DNAJB5: variants seen among roughly 807,000 people sequenced by gnomAD.
The protein encoded by DNAJB5 is DnaJ heat shock protein family (Hsp40) member B5, also known as dnaJ homolog subfamily B member 5.
A neutral mutation model predicts 32.6 loss-of-function variants in DNAJB5; 12 were observed. The observed-to-expected ratio is 0.37, with a 90% confidence interval of 0.24 to 0.60. The LOEUF (loss-of-function observed/expected upper bound fraction) is 0.60. Among genes scored for constraint, DNAJB5 ranks in the 20% least tolerant of loss-of-function variants. The pLI is 0.71. For synonymous variants in DNAJB5, 188 were observed against 212.9 expected (o/e 0.88, Z 1.02); for missense variants, 358 against 554.2 (o/e 0.65, Z 3.55).
Position 34,990,243 on chromosome 9 carries a change from G to A in DNAJB5, c.-132-256G>A, listed in dbSNP as rs1827585193. 1 of 1,321,634 alleles carries A rather than the reference G, an allele frequency of 7.6e-7. No homozygotes were observed. The highest frequency in any genetic ancestry group is 9.8e-7 in the Non-Finnish European group (1 of 1,017,080). 81.9% of individuals were successfully genotyped at this position (1,321,634 alleles called of 1,614,324 possible). ...TCTGCGAGGGAGGAGACTCCCGTCA[G>A]TGACTTCATTGAGTAGGTTCTTGGG... On this transcript the variant is annotated intron_variant, in intron 1 of 4. Coordinates refer to ENST00000682809, the MANE Select transcript of DNAJB5 (RefSeq NM_001349723.3). This position sits in a 1 kb window ranked among gnomAD's most constrained non-coding sequence, Gnocchi z 4.5.
chr9:34,994,532 C>T (rs896269294), intron 3 of DNAJB5, among the ~76,000 whole-genome samples: 1 of 152,178 alleles, frequency 6.6e-6, no homozygotes, highest in Non-Finnish European at 1.5e-5. Context: ...AGACATTTTT[C>T]TCTCTGGCAT....
chr9:34,990,091 GCATCTGTGAGCAGA>G lies in DNAJB5; in HGVS notation c.-133+262_-133+275del, dbSNP rs1827579466. The G allele has an allele frequency of 1.4e-6, 1 of 719,898 alleles. No individual in the cohort carries two copies. Among genetic ancestry groups the G allele is most frequent in the African/African-American group, 1.8e-5 (1 of 55,616 alleles). 44.6% of individuals were successfully genotyped at this position (719,898 alleles called of 1,614,324 possible). ...CCAGATTGGGTTCTGTGGGGCGGAG[GCATCTGTGAGCAGA>G]CCAGCCAGCCAGCGCGGGTGACATC... is the stretch of plus-strand genomic sequence containing the variant. On this transcript the variant is annotated intron_variant, in intron 1 of 4. Transcript: ENST00000682809. The surrounding 1 kb of genome is among the most constrained non-coding windows in gnomAD (Gnocchi z 4.5).
intron 3 of DNAJB5, among the ~76,000 whole-genome samples, chr9:34,995,434 G>A (rs980207150): frequency 6.6e-6 from 1 of 152,148 alleles, no homozygotes; most frequent in Non-Finnish European, 1.5e-5. Context: ...ACCTGACAGA[G>A]AGAGCAGCTA....
At chr9:34,991,420 G>A (rs776480987) in intron 2 of DNAJB5, 9 of 455,958 alleles carry the variant, frequency 2.0e-5, no homozygotes, top group African/African-American at 1.8e-4. Flanking sequence ...CTAGCAGGTG[G>A]GTACCAGGGA....
At position 34,993,082 on chromosome 9, in the gene DNAJB5, A is replaced by G; in HGVS notation, c.183-118A>G. 6.9e-7 allele frequency: 1 copy of G among 1,453,184 alleles called. No homozygotes were observed. Among genetic ancestry groups the G allele is most frequent in the Non-Finnish European group, 9.0e-7 (1 of 1,107,318 alleles). 90.0% of individuals were successfully genotyped at this position (1,453,184 alleles called of 1,614,324 possible). On this transcript the variant is annotated intron_variant, in intron 2 of 4. Transcript: ENST00000682809. This position sits in a 1 kb window ranked among gnomAD's most constrained non-coding sequence, Gnocchi z 4.7. Reference sequence around the variant, plus strand: ...TACAGATGGGGGGACGCAGGCCCACAGAACAGGCATGACCTGCTGAAGGTT... The same window carrying G: ...TACAGATGGGGGGACGCAGGCCCACGGAACAGGCATGACCTGCTGAAGGTT...
intron 2 of DNAJB5, chr9:34,992,937 C>A: frequency 1.5e-6 from 2 of 1,323,814 alleles, no homozygotes; most frequent in Non-Finnish European, 1.9e-6. Flanking sequence ...CTCAGCCTAG[C>A]CCCAAGAGTG....
rs1051508286 is a variant in DNAJB5, at chr9:34,990,641, G to A, written c.11G>A (p.Arg4His). Residue 4 changes from arginine to histidine, a missense_variant, in exon 2 of 5, where the codon CGC becomes CAC. Coordinates refer to ENST00000682809, the MANE Select transcript of DNAJB5 (RefSeq NM_001349723.3). This position sits in a 1 kb window ranked among gnomAD's most constrained non-coding sequence, Gnocchi z 4.5. ...GGGGCTTGGCTGGGCATGTTTAAGC[G>A]CACAGTGCTCTCCTGCCCACCCCCA... is the stretch of plus-strand genomic sequence containing the variant. The part of the protein sequence containing the change: MFK[R>H]TVLSCPPPAA... 5 of 1,551,438 alleles carry A rather than the reference G, an allele frequency of 3.2e-6. No individual in the cohort carries two copies. The highest frequency in any genetic ancestry group is 4.4e-6 in the Non-Finnish European group (5 of 1,146,956).
At chr9:34,995,114 G>T (rs937968363) in intron 3 of DNAJB5, among the ~76,000 whole-genome samples, 5 of 152,126 alleles carry the variant, frequency 3.3e-5, no homozygotes, top group African/African-American at 1.2e-4. Context: ...GGTCTTGGGG[G>T]AGGGGTGAAG....
rs768445172 is a variant in DNAJB5, at chr9:34,996,281, TGGCA to T, written c.445_448del (p.Gly149HisfsTer72). 4.3e-6 allele frequency: 7 copies of T among 1,613,292 alleles called. No individual in the cohort carries two copies. The highest frequency in any genetic ancestry group is 5.9e-6 in the Non-Finnish European group (7 of 1,179,664). On this transcript the variant is annotated frameshift_variant, in exon 4 of 5. Transcript: ENST00000682809. LOFTEE classifies it high-confidence loss of function. This position sits in a 1 kb window ranked among gnomAD's most constrained non-coding sequence, Gnocchi z 7.2. The stretch of plus-strand genomic sequence containing the variant: ...CCCCTCTAGGCCTGAAGACCGGCGG[TGGCA>T]CATCAGGTGGCTCCAGTGGCTCCTT...
chr9:34,991,925 G>C (rs948569155), intron 2 of DNAJB5: 1 of 161,114 alleles, frequency 6.2e-6, no homozygotes. Context: ...CCCTTACCCG[G>C]TTACAGGCCT....
chr9:34,990,812 G>A lies in DNAJB5; in HGVS notation c.182G>A (p.Arg61Gln), dbSNP rs1453915603. The A allele has an allele frequency of 6.5e-7, 1 of 1,549,508 alleles. No individual in the cohort carries two copies. The highest frequency in any genetic ancestry group is 8.7e-7 in the Non-Finnish European group (1 of 1,146,064). Residue 61 changes from arginine to glutamine, a missense_variant and splice_region_variant, in exon 2 of 5, where the codon CGA (arginine) becomes CAA (glutamine). This residue lies in a region of DNAJB5 where 110 missense variants were observed against 111.7 expected (regional missense o/e 0.99). Coordinates refer to ENST00000682809, the MANE Select transcript of DNAJB5 (RefSeq NM_001349723.3). This position sits in a 1 kb window ranked among gnomAD's most constrained non-coding sequence, Gnocchi z 4.5. ...AWTLNGFVKF[R>Q]NKETSAGPVA... ...ACGCTGAATGGGTTTGTAAAGTTTC[G>A]GTAAGTCCCTCCGGAGAAGGGCACT... is the stretch of plus-strand genomic sequence containing the variant.
chr9:34,991,052 A>G, intron 2 of DNAJB5: 1 of 561,540 alleles, frequency 1.8e-6, no homozygotes, highest in African/African-American at 1.9e-5. Flanking sequence ...AACTCTCCAC[A>G]TTCCTCCCTT....
In DNAJB5 at chr9:34,990,462, G is replaced by A. The variant is rs1404114906; in HGVS notation, c.-132-37G>A. On this transcript the variant is annotated intron_variant, in intron 1 of 4. Transcript: ENST00000682809. The surrounding 1 kb of genome is among the most constrained non-coding windows in gnomAD (Gnocchi z 4.5). ...GCTGCACCTGAGAGCAGGTGGCCGC[G>A]GGTCTTCTCCCTTCACTCTCCACAT... 5.0e-5 allele frequency: 77 copies of A among 1,534,918 alleles called. No homozygotes were observed. Among genetic ancestry groups the A allele is most frequent in the Non-Finnish European group, 6.7e-5 (77 of 1,146,258 alleles).
rs549559241 is a variant in DNAJB5 at position 34,995,518 on chromosome 9, G to T, written c.428-747G>T. On this transcript the variant is annotated intron_variant, in intron 3 of 4. Coordinates refer to ENST00000682809, the MANE Select transcript of DNAJB5 (RefSeq NM_001349723.3). ...ACATTAGGTGTGGGGTATGGCGTTT[G>T]CTGTTGTATAACTCCAGGGAGCTCC... Among the ~76,000 whole-genome samples the T allele has an allele frequency of 3.3e-5, 5 of 152,336 alleles. No individual in the cohort carries two copies. In the East Asian group the frequency reaches 9.6e-4, roughly 29 times the overall value.
At position 34,996,244 on chromosome 9, in the gene DNAJB5, CT is replaced by C; in HGVS notation, c.428-20del. 1 of 1,601,410 alleles carries C rather than the reference CT, an allele frequency of 6.2e-7. No homozygotes were observed. Among genetic ancestry groups the C allele is most frequent in the Non-Finnish European group, 8.5e-7 (1 of 1,172,642 alleles). On this transcript the variant is annotated intron_variant, in intron 3 of 4. Transcript: ENST00000682809. The surrounding 1 kb of genome is among the most constrained non-coding windows in gnomAD (Gnocchi z 7.2). ...GGGGCCAGAATAAGCCACACTGCCC[CT>C]AACTTCTCCTCCCCTCTAGGCCTGA...
Position 34,990,228 on chromosome 9 carries a change from A to C in DNAJB5, c.-132-271A>C. 1.4e-5 allele frequency: 18 copies of C among 1,279,962 alleles called. No individual in the cohort carries two copies. The highest frequency in any genetic ancestry group is 1.7e-5 in the Non-Finnish European group (17 of 991,172). 79.3% of individuals were successfully genotyped at this position (1,279,962 alleles called of 1,614,324 possible). ...GCTCTGCCCCGCCCATCTGCGAGGG[A>C]GGAGACTCCCGTCAGTGACTTCATT... is the stretch of plus-strand genomic sequence containing the variant. On this transcript the variant is annotated intron_variant, in intron 1 of 4. Transcript: ENST00000682809. This position sits in a 1 kb window ranked among gnomAD's most constrained non-coding sequence, Gnocchi z 4.5.
rs1409648033 is a variant in DNAJB5 at position 34,993,453 on chromosome 9, G to A, written c.427+9G>A. The A allele has an allele frequency of 1.2e-6, 2 of 1,608,232 alleles. No individual in the cohort carries two copies. The highest frequency in any genetic ancestry group is 2.2e-5 in the East Asian group (1 of 44,856). On this transcript the variant is annotated intron_variant, in intron 3 of 4. Coordinates refer to ENST00000682809, the MANE Select transcript of DNAJB5 (RefSeq NM_001349723.3). The surrounding 1 kb of genome is among the most constrained non-coding windows in gnomAD (Gnocchi z 4.7). ...CCAGTATGGGGAGGAAGGTAAGAGG[G>A]CAGCACTCCAGCCCAATCCCGGACC... is the stretch of plus-strand genomic sequence containing the variant.
chr9:34,993,568 C>A lies in DNAJB5; in HGVS notation c.427+124C>A, dbSNP rs975074062. The A allele has an allele frequency of 4.6e-6, 6 of 1,307,064 alleles. No homozygotes were observed. In the Admixed American group the frequency reaches 1.3e-4, roughly 29 times the overall value. 81.0% of individuals were successfully genotyped at this position (1,307,064 alleles called of 1,614,324 possible). ...GGGTGAGGGCAGCAAGGGTTTCCAG[C>A]ACTGTCACCCAGAGAAGAGAGAAGC... On this transcript the variant is annotated intron_variant, in intron 3 of 4. Coordinates refer to ENST00000682809, the MANE Select transcript of DNAJB5 (RefSeq NM_001349723.3). This position sits in a 1 kb window ranked among gnomAD's most constrained non-coding sequence, Gnocchi z 4.7.
At chr9:34,995,257 A>T (rs1827758553) in intron 3 of DNAJB5, among the ~76,000 whole-genome samples, 1 of 152,154 alleles carries the variant, frequency 6.6e-6, no homozygotes, top group African/African-American at 2.4e-5. Flanking sequence ...AATTCTAGAT[A>T]AATGGCCTCA....
Sources: allele counts gnomAD v4.1 joint callset (sites outside exome capture counted in the v4.1 genomes callset), GRCh38; gene constraint gnomAD v4.1.1; regional missense constraint gnomAD v4.1.1; non-coding constraint Gnocchi (gnomAD v3.1); transcripts MANE v1.5; gene names NCBI Gene and HGNC (gene_info 2026-07-23, HGNC 2026-07-21).